SH3YL1: variants seen among roughly 807,000 people sequenced by gnomAD.
The protein encoded by SH3YL1 is SH3 and SYLF domain containing 1.
Under a neutral mutation model 45.8 loss-of-function variants are expected in SH3YL1, and 41 were observed. The observed-to-expected ratio is 0.89, with a 90% CI of 0.70 to 1.16. The LOEUF is 1.16. Ranked by LOEUF, SH3YL1 falls within the 50% of genes most tolerant of loss-of-function variation. The probability of loss-of-function intolerance (pLI) is 0.00; values close to 1 mark genes in which losing one functional copy is unlikely to be tolerated. For missense variants in SH3YL1, 389 were observed against 409.6 expected, an observed-to-expected ratio of 0.95 and a Z score of 0.43; for synonymous variants, 152 against 151.4, an observed-to-expected ratio of 1.00 and a Z score of -0.03.
chr2:228,059 C>T (rs947486575), intron 8 of SH3YL1, among the ~76,000 whole-genome samples: 2 of 152,142 alleles, frequency 1.3e-5, no homozygotes, highest in Non-Finnish European at 2.9e-5. Flanking sequence ...TTGAGAGATA[C>T]AGCACATGAG....
chr2:252,104 T>C (rs893162770), intron 2 of SH3YL1, among the ~76,000 whole-genome samples: 2 of 152,202 alleles, frequency 1.3e-5, no homozygotes, highest in African/African-American at 4.8e-5. Flanking sequence ...TACTTAAGAA[T>C]TACATGAGAA....
chr2:232,062 T>C (rs1668071392), intron 6 of SH3YL1, among the ~76,000 whole-genome samples: 1 of 152,150 alleles, frequency 6.6e-6, no homozygotes, highest in Non-Finnish European at 1.5e-5. Flanking sequence ...ATGGAACTTC[T>C]GCAGGTTCTG....
intron 2 of SH3YL1, 96 bp downstream of exon 2, chr2:252,909 T>TG: frequency 1.4e-6 from 1 of 704,720 alleles, no homozygotes; most frequent in Non-Finnish European, 2.4e-6. Flanking sequence ...TTGGCATTGA[T>TG]GGAGGCTTCT....
At chr2:219,718 T>C (rs781120161) in intron 9 of SH3YL1, among the ~76,000 whole-genome samples, 6 of 152,162 alleles carry the variant, frequency 3.9e-5, no homozygotes, top group Non-Finnish European at 7.3e-5. Flanking sequence ...CCTAGGAGAT[T>C]CAACTTTAAA....
chr2:252,415 A>G (rs1223436249), intron 2 of SH3YL1, among the ~76,000 whole-genome samples: 1 of 152,170 alleles, frequency 6.6e-6, no homozygotes, highest in Non-Finnish European at 1.5e-5. Flanking sequence ...GTGGAGCAGG[A>G]ACATGTGGTG....
chr2:245,464 G>C (rs1668756523), intron 4 of SH3YL1, among the ~76,000 whole-genome samples: 1 of 152,266 alleles, frequency 6.6e-6, no homozygotes. Context: ...ATTATATTTT[G>C]TGTCATTTCA....
At chr2:226,156 A>T (rs1411246679) in intron 8 of SH3YL1, among the ~76,000 whole-genome samples, 1 of 152,148 alleles carries the variant, frequency 6.6e-6, no homozygotes, top group Non-Finnish European at 1.5e-5. Flanking sequence ...GGAAGACCTT[A>T]ATCATGACCA....
chr2:241,296 A>G (rs764438103), intron 4 of SH3YL1: 3 of 152,184 alleles, frequency 2.0e-5, no homozygotes, highest in Non-Finnish European at 4.4e-5. Context: ...GAGAAGTTTA[A>G]CGGTAGATCT....
At chr2:227,577 A>C (rs963364112) in intron 8 of SH3YL1, among the ~76,000 whole-genome samples, 1 of 152,166 alleles carries the variant, frequency 6.6e-6, no homozygotes. Flanking sequence ...CAAATAAATA[A>C]ATAAATATAA....
At chr2:253,316 T>C (rs948307212) in intron 1 of SH3YL1, among the ~76,000 whole-genome samples, 2 of 152,112 alleles carry the variant, frequency 1.3e-5, no homozygotes, top group Non-Finnish European at 2.9e-5. Context: ...AGTCACAGGA[T>C]GAGACAGGAG....
At chr2:264,410 C>A (rs1669753593), upstream of SH3YL1, 2 of 198,328 alleles carry the variant, frequency 1.0e-5, no homozygotes, top group African/African-American at 4.6e-5. Context: ...GCGCGAGACT[C>A]GCGCTGTGCC....
chr2:240,778 A>T (rs997149150), intron 4 of SH3YL1: 1 of 152,304 alleles, frequency 6.6e-6, no homozygotes, highest in Non-Finnish European at 1.5e-5. Flanking sequence ...GGACAGTCAG[A>T]ACACCTGTCA....
chr2:247,648 C>T lies in SH3YL1; in HGVS notation c.227-46G>A, dbSNP rs1048917351. On this transcript the variant is annotated intron_variant, in intron 3 of 9. Coordinates refer to ENST00000356150, the MANE Select transcript of SH3YL1 (RefSeq NM_015677.4). ...CGTTATCCTAACATTAAAACACCCT[C>T]GACATGTAAATATAGGAAGGAAAAA... 9.0e-6 allele frequency: 13 copies of T among 1,446,448 alleles called. No homozygotes were observed. The African/African-American group carries it at 1.1e-4, about 13-fold the overall frequency. The allele number at this position is 1,446,448 out of a possible 1,614,324, so 89.6% of individuals were successfully genotyped here.
chr2:262,618 T>C, intron 1 of SH3YL1: 2 of 1,304,300 alleles, frequency 1.5e-6, no homozygotes, highest in Non-Finnish European at 2.0e-6. Flanking sequence ...TGTCTTATCA[T>C]GACGCCACTC....
chr2:249,445 G>A (rs1398901501), intron 3 of SH3YL1, among the ~76,000 whole-genome samples: 3 of 152,192 alleles, frequency 2.0e-5, no homozygotes, highest in Non-Finnish European at 4.4e-5. Flanking sequence ...ATACTGCCAT[G>A]TTTCAATATT....
intron 5 of SH3YL1, among the ~76,000 whole-genome samples, chr2:233,817 GCT>G (rs1668164850): frequency 6.6e-6 from 1 of 152,068 alleles, no homozygotes; most frequent in Non-Finnish European, 1.5e-5. Flanking sequence ...TTTGAAAAAA[GCT>G]CTTTCTTTCC....
chr2:241,728 A>G (rs1023429449), intron 4 of SH3YL1: 1 of 152,130 alleles, frequency 6.6e-6, no homozygotes, highest in Non-Finnish European at 1.5e-5. Flanking sequence ...AGACTTCAGA[A>G]AACAGTAGGA....
Position 222,128 on chromosome 2 carries a change from C to T in SH3YL1, c.838+2736G>A, listed in dbSNP as rs906806308. 2.0e-5 allele frequency among the ~76,000 whole-genome samples: 3 copies of T among 152,290 alleles called. No individual in the cohort carries two copies. In the East Asian group the frequency reaches 5.8e-4, roughly 29 times the overall value. The stretch of plus-strand genomic sequence containing the variant: ...AGCATATGCCTTTCAGCCTTATACT[C>T]ATGTACTTAAAAAATCGGAAGGATC... On this transcript the variant is annotated intron_variant, in intron 9 of 9. Transcript: ENST00000356150.
intron 1 of SH3YL1, chr2:263,781 G>A (rs552989175): frequency 4.2e-6 from 2 of 473,658 alleles, no homozygotes; most frequent in Admixed American, 4.2e-5. Flanking sequence ...GGAAAAGACG[G>A]TGGCTAAACT....
Sources: allele counts gnomAD v4.1 joint callset (sites outside exome capture counted in the v4.1 genomes callset), GRCh38; gene constraint gnomAD v4.1.1; transcripts MANE v1.5; gene names NCBI Gene and HGNC (gene_info 2026-07-23, HGNC 2026-07-21).